Variants in ANTXR1 observed in about 807,000 individuals in gnomAD.
ANTXR1 encodes ANTXR cell adhesion molecule 1.
Under a neutral mutation model 78.1 loss-of-function variants are expected in ANTXR1, and 19 were observed. The ratio of observed to expected loss-of-function variants is 0.24; its 90% CI spans 0.17 to 0.36. The LOEUF (loss-of-function observed/expected upper bound fraction) is 0.36. ANTXR1 is among the 10% of genes least tolerant of loss of function. The pLI is 1.00. For synonymous variants in ANTXR1, 273 were observed against 260.5 expected (o/e 1.05, Z -0.46); for missense variants, 518 against 718.6 (o/e 0.72, Z 3.19).
intron 1 of ANTXR1, among the ~76,000 whole-genome samples, chr2:69,038,191 C>G (rs544110101): frequency 3.9e-5 from 6 of 152,312 alleles, no homozygotes; most frequent in African/African-American, 1.4e-4. Flanking sequence ...ATTAATTCTT[C>G]TGTCTTCCTC....
rs372043237 is a variant in ANTXR1, at chr2:69,067,445, CTTTT to C, written c.297-3186_297-3183del. Among the ~76,000 whole-genome samples, 313 of 123,322 alleles carry C rather than the reference CTTTT, an allele frequency of 2.5e-3. 1 individual carries two copies. Among genetic ancestry groups the C allele is most frequent in the African/African-American group, 7.8e-3 (263 of 33,774 alleles). The allele number at this position is 123,322 out of a possible 152,430, so 80.9% of individuals were successfully genotyped here. A position where few individuals can be genotyped will look rare whatever the true frequency, so the allele number is the denominator to read the frequency against. ...AAATATTTCCACACCCCCAAGAAGC[CTTTT>C]TTTTTTTTTTTTTTTGCTCTCTTTT... is the stretch of plus-strand genomic sequence containing the variant. On this transcript the variant is annotated intron_variant, in intron 3 of 17. Coordinates refer to ENST00000303714, the MANE Select transcript of ANTXR1 (RefSeq NM_032208.3).
intron 16 of ANTXR1, among the ~76,000 whole-genome samples, chr2:69,185,466 G>T (rs1332621734): frequency 6.6e-6 from 1 of 151,916 alleles, no homozygotes; most frequent in Non-Finnish European, 1.5e-5. Flanking sequence ...TTTGAACCCA[G>T]GAGGCAGAGG....
intron 17 of ANTXR1, among the ~76,000 whole-genome samples, chr2:69,213,862 A>T (rs566022083): frequency 3.9e-5 from 6 of 152,352 alleles, no homozygotes; most frequent in Admixed American, 2.0e-4. Flanking sequence ...TGTGACTTTT[A>T]CAAGTCGCAA....
At chr2:69,098,901 G>A (rs1405686108) in intron 9 of ANTXR1, among the ~76,000 whole-genome samples, 1 of 152,212 alleles carries the variant, frequency 6.6e-6, no homozygotes, top group Non-Finnish European at 1.5e-5. Context: ...CAGGAGAATA[G>A]CTTTAACTTA....
chr2:69,101,082 G>GA (rs964666664), intron 9 of ANTXR1, among the ~76,000 whole-genome samples: 1 of 152,060 alleles, frequency 6.6e-6, no homozygotes, highest in Non-Finnish European at 1.5e-5. Context: ...TCCTTATTGT[G>GA]AAGGCCTCTT....
rs1454902150 is a variant in ANTXR1, at chr2:69,181,803, T to C, written c.1107T>C (p.Gly369=). The C allele has an allele frequency of 1.2e-6, 2 of 1,614,030 alleles. No individual in the cohort carries two copies. Among genetic ancestry groups the C allele is most frequent in the Admixed American group, 3.3e-5 (2 of 60,002 alleles). The part of the protein sequence containing the change: ...AEESEEEDDD[G]LPKKKWPTVD... ...CTCTGCAGGAAGAAGATGATGATGG[T>C]CTGCCTAAGAAAAAGTGGCCAACGG... The change falls in exon 15 of 18, where the codon GGT becomes GGC. Residue 369 remains glycine, a synonymous_variant. Coordinates refer to ENST00000303714, the MANE Select transcript of ANTXR1 (RefSeq NM_032208.3).
At chr2:69,235,720 T>C (rs968421980) in intron 17 of ANTXR1, among the ~76,000 whole-genome samples, 3 of 134,652 alleles carry the variant, frequency 2.2e-5, no homozygotes, top group African/African-American at 7.6e-5. Flanking sequence ...CATAAACTTA[T>C]TTAACTTCTG....
At chr2:69,105,315 C>G (rs1427097703) in intron 10 of ANTXR1, among the ~76,000 whole-genome samples, 1 of 152,312 alleles carries the variant, frequency 6.6e-6, no homozygotes, top group East Asian at 1.9e-4. Flanking sequence ...AGGGATTTGG[C>G]TTAAATCACA....
chr2:69,088,472 T>C (rs1051341963), intron 8 of ANTXR1, among the ~76,000 whole-genome samples: 5 of 152,340 alleles, frequency 3.3e-5, no homozygotes, highest in African/African-American at 1.2e-4. Context: ...CACTGTTTAA[T>C]AAGTTTCTCC....
intron 3 of ANTXR1, among the ~76,000 whole-genome samples, chr2:69,063,734 T>A (rs79691207): frequency 0.051 from 7,760 of 151,840 alleles, 409 homozygotes; most frequent in East Asian, 0.24. Flanking sequence ...AACAGAGAAA[T>A]AAAATGTATG....
intron 13 of ANTXR1, 110 bp from the exon 14 acceptor site, chr2:69,170,138 A>G (rs1251025176): frequency 1.7e-5 from 21 of 1,209,358 alleles, no homozygotes; most frequent in Middle Eastern, 1.9e-4. Context: ...TGCTGGGGCC[A>G]TTGCCATGGT....
At chr2:69,159,290 G>C (rs1288588275) in intron 13 of ANTXR1, among the ~76,000 whole-genome samples, 1 of 152,080 alleles carries the variant, frequency 6.6e-6, no homozygotes, top group Non-Finnish European at 1.5e-5. Flanking sequence ...AAAAAGTTCT[G>C]AGCAGGGCAC....
chr2:69,028,908 T>C (rs1671436561), intron 1 of ANTXR1, among the ~76,000 whole-genome samples: 2 of 152,026 alleles, frequency 1.3e-5, no homozygotes, highest in South Asian at 4.1e-4. Context: ...GCTGAAAGGA[T>C]GCAGAGATTA....
At chr2:69,108,023 A>G (rs1671866121) in intron 10 of ANTXR1, among the ~76,000 whole-genome samples, 1 of 152,256 alleles carries the variant, frequency 6.6e-6, no homozygotes. Context: ...AGCACTGTCC[A>G]ATAGAACTTT....
chr2:69,102,480 T>C (rs1671654153), intron 9 of ANTXR1, among the ~76,000 whole-genome samples: 2 of 152,232 alleles, frequency 1.3e-5, no homozygotes, highest in East Asian at 1.9e-4. Context: ...ACCCCTCCCC[T>C]GTGGCTCCCT....
intron 3 of ANTXR1, among the ~76,000 whole-genome samples, chr2:69,051,764 AC>A (rs1355999252): frequency 6.6e-6 from 1 of 152,066 alleles, no homozygotes; most frequent in Non-Finnish European, 1.5e-5. Flanking sequence ...AATTTCCAAC[AC>A]ATTGCTTTTT....
At chr2:69,071,865 T>C in intron 5 of ANTXR1, 78 bp downstream of exon 5, 1 of 1,298,494 alleles carries the variant, frequency 7.7e-7, no homozygotes, top group Non-Finnish European at 1.1e-6. Context: ...GCTTCAGTCA[T>C]TTCATGTTTC....
intron 1 of ANTXR1, among the ~76,000 whole-genome samples, chr2:69,024,580 G>A (rs1341006763): frequency 6.6e-6 from 1 of 152,064 alleles, no homozygotes; most frequent in Non-Finnish European, 1.5e-5. Flanking sequence ...GGGGGGAAGG[G>A]GTGATCATTC....
At chr2:69,163,289 T>A (rs1042919474) in intron 13 of ANTXR1, among the ~76,000 whole-genome samples, 17 of 147,114 alleles carry the variant, frequency 1.2e-4, no homozygotes, top group Admixed American at 9.6e-4. Flanking sequence ...GCTTTTGTTG[T>A]GTTGCCAGGT....
Sources: allele counts gnomAD v4.1 joint callset (sites outside exome capture counted in the v4.1 genomes callset), GRCh38; gene constraint gnomAD v4.1.1; transcripts MANE v1.5; gene names NCBI Gene and HGNC (gene_info 2026-07-23, HGNC 2026-07-21).